Variants in GATA4 observed in about 807,000 individuals in gnomAD.
GATA4 encodes transcription factor GATA-4.
A neutral mutation model predicts 37.9 loss-of-function variants in GATA4; 7 were observed. The observed-to-expected ratio is 0.18, with a 90% CI of 0.11 to 0.35. The LOEUF (loss-of-function observed/expected upper bound fraction) is 0.35, where lower values mean the gene tolerates loss of function less well. GATA4 is among the 10% of genes least tolerant of loss of function. The pLI, the probability that GATA4 is intolerant of heterozygous loss-of-function variation, is 1.00. For synonymous variants in GATA4, 372 were observed against 292.6 expected, an observed-to-expected ratio of 1.27 and a Z score of -2.77; for missense variants, 647 against 653.0, an observed-to-expected ratio of 0.99 and a Z score of 0.10.
In GATA4 at chr8:11,708,647, G is replaced by C; in HGVS notation, c.335G>C (p.Gly112Ala). Residue 112 changes from glycine to alanine, a missense_variant, in exon 2 of 7, where the codon GGG becomes GCG. Physicochemically the swap from Gly to Ala is moderately conservative, Grantham distance 60 (BLOSUM62 0). This residue lies in a region of GATA4 where 379 missense variants were observed against 334.5 expected (regional missense o/e 1.13). Transcript: ENST00000532059. This position sits in a 1 kb window ranked among gnomAD's most constrained non-coding sequence, Gnocchi z 6.7. ...PPVSPRFSFP[G>A]TTGSLAAAAA... ...GTGTCGCCGCGCTTCTCCTTCCCGG[G>C]GACCACCGGGTCCCTGGCGGCCGCC... 2 of 1,326,588 alleles carry C rather than the reference G, an allele frequency of 1.5e-6. No individual in the cohort carries two copies. Among genetic ancestry groups the C allele is most frequent in the Non-Finnish European group, 1.9e-6 (2 of 1,039,464 alleles). The allele number at this position is 1,326,588 out of a possible 1,614,324, so 82.2% of individuals were successfully genotyped here. A position where few individuals can be genotyped will look rare whatever the true frequency, so the allele number is the denominator to read the frequency against.
chr8:11,758,246 C>T lies in GATA4; in HGVS notation c.1150-47C>T, dbSNP rs569731103. 6.8e-6 allele frequency: 11 copies of T among 1,607,798 alleles called. No individual in the cohort carries two copies. In the African/African-American group the frequency reaches 1.1e-4, roughly 16 times the overall value. On this transcript the variant is annotated intron_variant, in intron 6 of 6. Transcript: ENST00000532059. ...CTCCCCAGCCTAGACCTCCCAAGCCCTCAGGAGCGTCTCCATGGGCCTCAT... is the reference window on the plus strand; with the variant it reads ...CTCCCCAGCCTAGACCTCCCAAGCCTTCAGGAGCGTCTCCATGGGCCTCAT...
At chr8:11,758,129 A>G (rs1191709879) in intron 6 of GATA4, among the ~76,000 whole-genome samples, 164 bp from the exon 7 acceptor site, 1 of 152,098 alleles carries the variant, frequency 6.6e-6, no homozygotes, top group Non-Finnish European at 1.5e-5. Context: ...TCATGCCTAG[A>G]TCACCGGGAT....
chr8:11,693,003 G>T, intron 1 of GATA4: 1 of 985,384 alleles, frequency 1.0e-6, no homozygotes, highest in Non-Finnish European at 1.2e-6. Flanking sequence ...CTGCACCCCC[G>T]GCCGCGCACC....
At chr8:11,710,868 T>A (rs998275423) in intron 2 of GATA4, among the ~76,000 whole-genome samples, 13 of 152,166 alleles carry the variant, frequency 8.5e-5, no homozygotes, top group African/African-American at 1.4e-4. Flanking sequence ...ACGCCTGTAA[T>A]CCCAGCACTT....
chr8:11,746,655 G>A (rs76234685), intron 2 of GATA4, among the ~76,000 whole-genome samples: 21,651 of 152,252 alleles, frequency 0.14, 1,862 homozygotes, highest in East Asian at 0.28. Flanking sequence ...GATGAAAGAA[G>A]CGGGGCTGAC....
At chr8:11,680,923 G>A in intron 1 of GATA4, 2 of 985,404 alleles carry the variant, frequency 2.0e-6, no homozygotes, top group Non-Finnish European at 2.4e-6. Context: ...GATCACAGTA[G>A]GTGTTTCATC....
intron 5 of GATA4, chr8:11,756,372 C>A (rs1802569000): frequency 1.2e-5 from 2 of 168,170 alleles, no homozygotes; most frequent in Non-Finnish European, 2.6e-5. Flanking sequence ...GCTGACGAGT[C>A]CCCTATGTCC....
At chr8:11,686,542 C>T (rs1169915788) in intron 1 of GATA4, among the ~76,000 whole-genome samples, 1 of 152,116 alleles carries the variant, frequency 6.6e-6, no homozygotes, top group East Asian at 1.9e-4. Context: ...CATCTCTTCC[C>T]TTCTTCATCT....
rs892252878 is a variant in GATA4, at chr8:11,751,905, C to G, written c.912+1669C>G. Among the ~76,000 whole-genome samples, 146 of 152,102 alleles carry G rather than the reference C, an allele frequency of 9.6e-4. 14 individuals are homozygous for G. Among genetic ancestry groups the G allele is most frequent in the Non-Finnish European group, 4.4e-5 (3 of 68,024 alleles). ...TAGTGGTATTTTTTAAGGTTGAAACCATGAACACCATTATATCTGGCAGGT... is the reference window on the plus strand; with the variant it reads ...TAGTGGTATTTTTTAAGGTTGAAACGATGAACACCATTATATCTGGCAGGT... On this transcript the variant is annotated intron_variant, in intron 4 of 6. Transcript: ENST00000532059.
intron 1 of GATA4, among the ~76,000 whole-genome samples, chr8:11,696,530 G>C (rs1159981866): frequency 6.6e-6 from 1 of 152,154 alleles, no homozygotes; most frequent in Admixed American, 6.5e-5. Context: ...CATTTGAGTG[G>C]TTTCCCGTTT....
chr8:11,749,200 G>C lies in GATA4; in HGVS notation c.786+115G>C. 1 of 981,286 alleles carries C rather than the reference G, an allele frequency of 1.0e-6. No homozygotes were observed. Among genetic ancestry groups the C allele is most frequent in the Non-Finnish European group, 1.6e-6 (1 of 642,496 alleles). The allele number at this position is 981,286 out of a possible 1,614,324, so 60.8% of individuals were successfully genotyped here. On this transcript the variant is annotated intron_variant, in intron 3 of 6. Coordinates refer to ENST00000532059, the MANE Select transcript of GATA4 (RefSeq NM_001308093.3). This position sits in a 1 kb window ranked among gnomAD's most constrained non-coding sequence, Gnocchi z 4.6. Reference sequence around the variant, plus strand: ...TGAGGGTGTGCATCGGGGATTACGTGGGTGAGAGCCCCATAATAATTCTCA... The same window carrying C: ...TGAGGGTGTGCATCGGGGATTACGTCGGTGAGAGCCCCATAATAATTCTCA...
intron 2 of GATA4, among the ~76,000 whole-genome samples, chr8:11,721,138 C>G (rs550586661): frequency 6.6e-6 from 1 of 151,544 alleles, no homozygotes; most frequent in Non-Finnish European, 1.5e-5. Flanking sequence ...GGATCTGAAG[C>G]GCAAGGGGGC....
chr8:11,713,058 T>G (rs1449209051), intron 2 of GATA4, among the ~76,000 whole-genome samples: 2 of 152,206 alleles, frequency 1.3e-5, no homozygotes, highest in Non-Finnish European at 2.9e-5. Flanking sequence ...AACACTTTTT[T>G]TTTTCTATGT....
chr8:11,734,452 C>G (rs536709979), intron 2 of GATA4, among the ~76,000 whole-genome samples: 1 of 152,198 alleles, frequency 6.6e-6, no homozygotes, highest in East Asian at 1.9e-4. Flanking sequence ...TGCATCCACT[C>G]ATGGGGTGGG....
chr8:11,749,116 C>A lies in GATA4; in HGVS notation c.786+31C>A. The A allele has an allele frequency of 6.2e-7, 1 of 1,610,726 alleles. No homozygotes were observed. Among genetic ancestry groups the A allele is most frequent in the South Asian group, 1.1e-5 (1 of 90,952 alleles). ...CACGTGCCTCGCAGCCTCCTCTGGG[C>A]ACCTGGCTGCGGAGCTCTCGCCTTG... On this transcript the variant is annotated intron_variant, in intron 3 of 6. Transcript: ENST00000532059. This position sits in a 1 kb window ranked among gnomAD's most constrained non-coding sequence, Gnocchi z 4.6.
Position 11,757,103 on chromosome 8 carries a change from C to T in GATA4, c.1149+20C>T, listed in dbSNP as rs768569160. 5.0e-6 allele frequency: 8 copies of T among 1,612,156 alleles called. No individual in the cohort carries two copies. Among genetic ancestry groups the T allele is most frequent in the South Asian group, 3.3e-5 (3 of 91,066 alleles). The stretch of plus-strand genomic sequence containing the variant: ...TCCCAGGTACGCGCCATGGCTGGGG[C>T]GCCAGGGCTGTTTGTGGGGAGGCCG... On this transcript the variant is annotated intron_variant, in intron 6 of 6. Transcript: ENST00000532059.
intron 1 of GATA4, among the ~76,000 whole-genome samples, chr8:11,698,634 G>A (rs1301035054): frequency 2.0e-5 from 3 of 152,140 alleles, no homozygotes; most frequent in East Asian, 1.9e-4. Context: ...GGCTCCCTAT[G>A]CCTCAGAAAG....
intron 1 of GATA4, among the ~76,000 whole-genome samples, chr8:11,696,597 GT>G (rs1799515456): frequency 6.6e-6 from 1 of 152,216 alleles, no homozygotes; most frequent in East Asian, 1.9e-4. Flanking sequence ...CTACTTTAGA[GT>G]TTAAAGTTTA....
Position 11,756,928 on chromosome 8 carries a change from A to G in GATA4, c.1001-7A>G. The G allele has an allele frequency of 6.2e-7, 1 of 1,614,204 alleles. No individual in the cohort carries two copies. The highest frequency in any genetic ancestry group is 1.3e-5 in the African/African-American group (1 of 75,044). ...GATTTGGGTGTGCTGACTCTGCTTC[A>G]TTCCAGCTCCTTCAGGCAGTGAGAG... On this transcript the variant is annotated splice_polypyrimidine_tract_variant and splice_region_variant and intron_variant, in intron 5 of 6. Coordinates refer to ENST00000532059, the MANE Select transcript of GATA4 (RefSeq NM_001308093.3).
Sources: gnomAD v4.1 joint callset for allele counts (sites outside exome capture counted in the v4.1 genomes callset) on GRCh38, gnomAD v4.1.1 for gene constraint, gnomAD v4.1.1 regional missense constraint, Gnocchi (gnomAD v3.1) non-coding constraint, MANE v1.5 for transcripts, NCBI Gene and HGNC (gene_info 2026-07-23, HGNC 2026-07-21) for gene names.